The following RMDN2 variants were observed in gnomAD, a reference collection of about 807,000 sequenced individuals.
RMDN2 encodes the protein regulator of microtubule dynamics protein 2.
In RMDN2, 61 loss-of-function variants were observed where a neutral mutation model predicts 52.8. The observed-to-expected ratio is 1.16, with a 90% CI of 0.94 to 1.43. The LOEUF (loss-of-function observed/expected upper bound fraction) is 1.43. Ranked by LOEUF, RMDN2 falls within the 40% of genes most tolerant of loss-of-function variation. The pLI is 0.00. For synonymous variants in RMDN2, 180 were observed against 153.1 expected, an observed-to-expected ratio of 1.18 and a Z score of -1.30; for missense variants, 592 against 475.3, an observed-to-expected ratio of 1.25 and a Z score of -2.28.
At position 37,960,265 on chromosome 2, in the gene RMDN2, G is replaced by A. The variant is rs191533292; in HGVS notation, c.453-13775G>A. ...GGTTTTAAAGTCTCCCACTATTAAT[G>A]TGTGGGAGTGTAAGTCTCTTTGTAG... is the stretch of plus-strand genomic sequence containing the variant. On this transcript the variant is annotated intron_variant, in intron 2 of 10. Transcript: ENST00000354545. Among the ~76,000 whole-genome samples, 95 of 152,224 alleles carry A rather than the reference G, an allele frequency of 6.2e-4. 4 individuals are homozygous for A. The highest frequency in any genetic ancestry group is 6.1e-3 in the Admixed American group (94 of 15,292).
chr2:38,049,990 T>C (rs1462667668), intron 10 of RMDN2, among the ~76,000 whole-genome samples: 1 of 152,254 alleles, frequency 6.6e-6, no homozygotes, highest in Non-Finnish European at 1.5e-5. Flanking sequence ...CTTAAGCTAA[T>C]AGCATGTGTT....
At chr2:37,936,326 C>G (rs904868325) in intron 2 of RMDN2, among the ~76,000 whole-genome samples, 3 of 152,128 alleles carry the variant, frequency 2.0e-5, no homozygotes, top group African/African-American at 7.2e-5. Flanking sequence ...CAAGTCTTTG[C>G]TATTGTGAAT....
intron 2 of RMDN2, among the ~76,000 whole-genome samples, chr2:37,947,427 C>A (rs1470287515): frequency 6.6e-6 from 1 of 152,058 alleles, no homozygotes; most frequent in Non-Finnish European, 1.5e-5. Flanking sequence ...TATAAAATAA[C>A]CAACATTTGT....
At chr2:37,996,140 G>C (rs1049462734) in intron 7 of RMDN2, among the ~76,000 whole-genome samples, 2 of 152,028 alleles carry the variant, frequency 1.3e-5, no homozygotes, top group African/African-American at 4.8e-5. Flanking sequence ...CATTATCCTG[G>C]ATGAAATCTT....
intron 2 of RMDN2, among the ~76,000 whole-genome samples, chr2:37,956,230 A>G (rs935631064): frequency 6.6e-6 from 1 of 152,160 alleles, no homozygotes; most frequent in Non-Finnish European, 1.5e-5. Flanking sequence ...ACTTTTTACT[A>G]GTTATAGATC....
At chr2:37,997,099 C>T (rs1675658368) in intron 7 of RMDN2, among the ~76,000 whole-genome samples, 2 of 152,066 alleles carry the variant, frequency 1.3e-5, no homozygotes, top group South Asian at 4.2e-4. Flanking sequence ...AGCATTATTT[C>T]CCACCCCACC....
chr2:37,950,743 T>A, intron 2 of RMDN2: 1 of 786,098 alleles, frequency 1.3e-6, no homozygotes, highest in Non-Finnish European at 2.2e-6. Flanking sequence ...CCCAGAGAGA[T>A]TGTGCTTCAT....
rs1326684557 is a variant in RMDN2, at chr2:37,929,320, G to A, written c.43G>A (p.Val15Met). The A allele has an allele frequency of 2.6e-6, 4 of 1,550,468 alleles. No individual in the cohort carries two copies. Among genetic ancestry groups the A allele is most frequent in the Non-Finnish European group, 3.5e-6 (4 of 1,146,312 alleles). The change falls in exon 2 of 11, where the codon GTG becomes ATG. Residue 15 changes from valine (V) to methionine (M), a missense_variant. Coordinates refer to ENST00000354545, the MANE Select transcript of RMDN2 (RefSeq NM_001170791.3). ...TNKELILGIM[V>M]GTAGISLLLL... ...CAAAGAGTTGATACTTGGCATCATG[G>A]TGGGCACTGCTGGAATCAGCTTGCT...
chr2:38,055,232 C>A (rs1010572894), intron 10 of RMDN2, among the ~76,000 whole-genome samples: 1 of 151,856 alleles, frequency 6.6e-6, no homozygotes, highest in African/African-American at 2.4e-5. Flanking sequence ...TCACATCTTG[C>A]AGTCAAAGTT....
intron 10 of RMDN2, among the ~76,000 whole-genome samples, chr2:38,040,444 C>A (rs1440906503): frequency 6.6e-6 from 1 of 152,112 alleles, no homozygotes; most frequent in Non-Finnish European, 1.5e-5. Context: ...AAGCAAGCTC[C>A]CTTGTCCCTT....
downstream of RMDN2, among the ~76,000 whole-genome samples, chr2:38,020,829 C>T: frequency 6.6e-6 from 1 of 152,106 alleles, no homozygotes; most frequent in Non-Finnish European, 1.5e-5. Context: ...GGAGCCTCCC[C>T]CACGAGCGCC....
At chr2:37,965,388 C>T (rs971319881) in intron 2 of RMDN2, among the ~76,000 whole-genome samples, 10 of 115,922 alleles carry the variant, frequency 8.6e-5, no homozygotes, top group Admixed American at 3.6e-4. Context: ...TACATATATT[C>T]TATAAATATG....
In RMDN2 at chr2:37,997,517, A is replaced by T. The variant is rs1346011309; in HGVS notation, c.1044+3A>T. ...AAGCTTTACACAATTTCCTTAAGGT[A>T]CATTTTGTGTATCCATTATTTTAGT... On this transcript the variant is annotated splice_donor_region_variant and intron_variant, in intron 8 of 10. Transcript: ENST00000354545. The T allele has an allele frequency of 1.3e-6, 2 of 1,571,476 alleles. No individual in the cohort carries two copies. The highest frequency in any genetic ancestry group is 1.8e-6 in the Non-Finnish European group (2 of 1,141,516).
At position 37,932,081 on chromosome 2, in the gene RMDN2, A is replaced by G. The variant is rs182951216; in HGVS notation, c.452+2352A>G. On this transcript the variant is annotated intron_variant, in intron 2 of 10. Transcript: ENST00000354545. ...ATTTATTTTATTTATTTATTTTTTT[A>G]ATTGATCATTCTTGGGTGTTTCTCG... 5.0e-3 allele frequency among the ~76,000 whole-genome samples: 765 copies of G among 152,128 alleles called. 4 individuals carry two copies. Among genetic ancestry groups the G allele is most frequent in the Non-Finnish European group, 8.0e-3 (546 of 68,010 alleles).
intron 4 of RMDN2, among the ~76,000 whole-genome samples, chr2:37,977,316 G>A (rs567921700): frequency 4.1e-4 from 63 of 152,254 alleles, no homozygotes; most frequent in African/African-American, 1.5e-3. Context: ...CGACAAAACC[G>A]CCATCGTCAT....
intron 2 of RMDN2, among the ~76,000 whole-genome samples, chr2:37,941,776 G>A (rs1372689377): frequency 2.6e-5 from 4 of 152,174 alleles, no homozygotes; most frequent in Non-Finnish European, 4.4e-5. Context: ...GTTGACTTCA[G>A]ACTGCTGTGC....
At chr2:37,973,710 A>G (rs962255097) in intron 2 of RMDN2, among the ~76,000 whole-genome samples, 1 of 152,114 alleles carries the variant, frequency 6.6e-6, no homozygotes, top group Non-Finnish European at 1.5e-5. Flanking sequence ...GTGGCTGTCT[A>G]AGGAAACGGC....
In RMDN2 at chr2:38,017,728, A is replaced by T. The variant is rs945325420; in HGVS notation, c.*489A>T. The T allele has an allele frequency of 5.4e-6, 2 of 373,472 alleles. No individual in the cohort carries two copies. The highest frequency in any genetic ancestry group is 4.4e-5 in the African/African-American group (2 of 45,102). 23.1% of individuals were successfully genotyped at this position (373,472 alleles called of 1,614,324 possible). A position where few individuals can be genotyped will look rare whatever the true frequency, so the allele number is the denominator to read the frequency against. On this transcript the variant is annotated 3_prime_UTR_variant, in exon 11 of 11. Coordinates refer to ENST00000354545, the MANE Select transcript of RMDN2 (RefSeq NM_001170791.3). ...GATGTGAATAAAATTACAATAAAAT[A>T]CTGTTTTACCATCAAACTAGCTTTC...
intron 10 of RMDN2, among the ~76,000 whole-genome samples, chr2:38,015,585 A>C (rs955766488): frequency 6.6e-6 from 1 of 152,124 alleles, no homozygotes. Context: ...AAAAGAAAAA[A>C]AAGGAAATGT....
Sources: gnomAD v4.1 joint callset for allele counts (sites outside exome capture counted in the v4.1 genomes callset) on GRCh38, gnomAD v4.1.1 for gene constraint, MANE v1.5 for transcripts, NCBI Gene and HGNC (gene_info 2026-07-23, HGNC 2026-07-21) for gene names.